The following PSEN1 variants were observed in gnomAD, a reference collection of about 807,000 sequenced individuals.
PSEN1 encodes presenilin 1.
Under a neutral mutation model 53.5 loss-of-function variants are expected in PSEN1, and 15 were observed. The observed-to-expected ratio is 0.28, with a 90% confidence interval of 0.19 to 0.43. The LOEUF (loss-of-function observed/expected upper bound fraction) is 0.43, where lower values mean the gene tolerates loss of function less well. Ranked by LOEUF, PSEN1 falls within the 20% of genes least tolerant of loss-of-function variation. The pLI, the probability that PSEN1 is intolerant of heterozygous loss-of-function variation, is 1.00. For missense variants in PSEN1, 387 were observed against 571.2 expected, an observed-to-expected ratio of 0.68 and a Z score of 3.29; for synonymous variants, 208 against 209.8, an observed-to-expected ratio of 0.99 and a Z score of 0.08.
At chr14:73,181,901 G>A (rs1035012912) in intron 5 of PSEN1, among the ~76,000 whole-genome samples, 1 of 152,044 alleles carries the variant, frequency 6.6e-6, no homozygotes, top group Non-Finnish European at 1.5e-5. Context: ...AACCTCCATG[G>A]TAGCTGGGAC....
chr14:73,158,775 T>G (rs1186005529), intron 3 of PSEN1, among the ~76,000 whole-genome samples: 2 of 152,236 alleles, frequency 1.3e-5, no homozygotes, highest in African/African-American at 4.8e-5. Context: ...TATTTAACTT[T>G]TTAAGGTACT....
chr14:73,195,266 G>A (rs971857871), intron 7 of PSEN1, among the ~76,000 whole-genome samples: 5 of 151,966 alleles, frequency 3.3e-5, no homozygotes, highest in Admixed American at 1.3e-4. Context: ...TCTCCCTCCC[G>A]GGATCAAGCG....
rs63750301 is a variant in PSEN1, at chr14:73,198,052, C to T, written c.791C>T (p.Pro264Leu). The stretch of plus-strand genomic sequence containing the variant: ...CTAGATTTAGTGGCTGTTTTGTGTC[C>T]GAAAGGTCCACTTCGTATGCTGGTT... The part of the protein sequence containing the change: ...SVYDLVAVLC[P>L]KGPLRMLVET... Residue 264 changes from proline to leucine, a missense_variant, in exon 8 of 12, where the codon CCG (proline) becomes CTG (leucine). Transcript: ENST00000324501. 1.2e-6 allele frequency: 2 copies of T among 1,609,902 alleles called. No homozygotes were observed. The highest frequency in any genetic ancestry group is 2.2e-5 in the East Asian group (1 of 44,848).
intron 5 of PSEN1, among the ~76,000 whole-genome samples, chr14:73,177,011 AT>A (rs34940341): frequency 0.1 from 15,141 of 151,686 alleles, 877 homozygotes; most frequent in African/African-American, 0.16. Flanking sequence ...TTTGAACCTA[AT>A]TTTTTCTGGA....
intron 9 of PSEN1, 79 bp downstream of exon 9, chr14:73,206,551 G>A (rs1363080291): frequency 2.4e-5 from 24 of 987,234 alleles, no homozygotes; most frequent in Admixed American, 7.7e-5. Context: ...TGTTTTTATC[G>A]TCTTTCTTTG....
At chr14:73,165,535 C>T (rs1897685648) in intron 3 of PSEN1, among the ~76,000 whole-genome samples, 2 of 149,412 alleles carry the variant, frequency 1.3e-5, no homozygotes, top group South Asian at 4.3e-4. Context: ...CACCTGAGGT[C>T]AGGAGTTCGA....
intron 5 of PSEN1, 76 bp downstream of exon 5, chr14:73,173,783 C>G: frequency 6.7e-7 from 1 of 1,493,482 alleles, no homozygotes; most frequent in Middle Eastern, 1.8e-4. Flanking sequence ...AGTAACTTAA[C>G]TGATCTAGGA....
intron 3 of PSEN1, among the ~76,000 whole-genome samples, chr14:73,166,562 C>G (rs1419480697): frequency 6.6e-6 from 1 of 152,204 alleles, no homozygotes; most frequent in African/African-American, 2.4e-5. Context: ...TCAAGTTGTT[C>G]AGACTTGTAC....
In PSEN1 at chr14:73,222,066, T is replaced by A. The variant is rs1900128525; in HGVS notation, c.*2777T>A. ...TGCCTATGGGAATACCAATCATATT[T>A]GGAAGATTTGCAGATTTTTTTTCAG... On this transcript the variant is annotated 3_prime_UTR_variant, in exon 12 of 12. Transcript: ENST00000324501. 1 of 152,196 alleles carries A rather than the reference T, an allele frequency of 6.6e-6. No individual in the cohort carries two copies. The highest frequency in any genetic ancestry group is 1.5e-5 in the Non-Finnish European group (1 of 68,012). The allele number at this position is 152,196 out of a possible 1,614,324, so 9.4% of individuals were successfully genotyped here.
intron 6 of PSEN1, among the ~76,000 whole-genome samples, chr14:73,189,430 G>A (rs985594139): frequency 2.0e-5 from 3 of 149,764 alleles, no homozygotes; most frequent in African/African-American, 7.5e-5. Flanking sequence ...GGCCAACGTG[G>A]TGAAAACCCA....
chr14:73,171,817 C>G (rs941385557), intron 4 of PSEN1, among the ~76,000 whole-genome samples: 5 of 152,092 alleles, frequency 3.3e-5, no homozygotes, highest in Non-Finnish European at 7.4e-5. Context: ...AACATACTGG[C>G]GTATTAATTC....
intron 1 of PSEN1, among the ~76,000 whole-genome samples, chr14:73,146,563 A>G (rs1206756180): frequency 6.6e-6 from 1 of 152,222 alleles, no homozygotes; most frequent in Non-Finnish European, 1.5e-5. Flanking sequence ...AGCATGTATG[A>G]TAAAGTGGAA....
intron 5 of PSEN1, chr14:73,173,995 A>G: frequency 1.8e-6 from 1 of 566,078 alleles, no homozygotes. Context: ...ATTAAAGAAA[A>G]CAAAAAACAA....
intron 1 of PSEN1, among the ~76,000 whole-genome samples, chr14:73,143,267 C>T (rs1241491156): frequency 6.6e-6 from 1 of 152,144 alleles, no homozygotes; most frequent in Non-Finnish European, 1.5e-5. Context: ...TGCTTCCTAC[C>T]GAGCCCCCTG....
rs949528625 is a variant in PSEN1, at chr14:73,146,979, C to T, written c.-135-816C>T. ...TGAACTCTGAGAGACACAGTCATCCCTGTAAATAAGGCTGCGCCAAGATCA... is the reference window on the plus strand; with the variant it reads ...TGAACTCTGAGAGACACAGTCATCCTTGTAAATAAGGCTGCGCCAAGATCA... On this transcript the variant is annotated intron_variant, in intron 1 of 11. Coordinates refer to ENST00000324501, the MANE Select transcript of PSEN1 (RefSeq NM_000021.4). Among the ~76,000 whole-genome samples, 12 of 151,904 alleles carry T rather than the reference C, an allele frequency of 7.9e-5. 1 individual carries two copies. Among genetic ancestry groups the T allele is most frequent in the African/African-American group, 2.2e-4 (9 of 41,332 alleles).
intron 8 of PSEN1, among the ~76,000 whole-genome samples, chr14:73,203,149 G>A (rs1899300341): frequency 6.6e-6 from 1 of 152,016 alleles, no homozygotes; most frequent in African/African-American, 2.4e-5. Context: ...CACAATCTCG[G>A]CTCACTGCAA....
intron 8 of PSEN1, among the ~76,000 whole-genome samples, chr14:73,204,689 A>G (rs1209823528): frequency 6.6e-6 from 1 of 152,200 alleles, no homozygotes; most frequent in African/African-American, 2.4e-5. Context: ...ATACTTGCAT[A>G]AAGAAAGAAA....
At position 73,220,040 on chromosome 14, in the gene PSEN1, A is replaced by C. The variant is rs201019113; in HGVS notation, c.*751A>C. ...CTAAAAGTTTTAACCTCAGGTTCCA[A>C]ATTCAGTAAATTTTGGAAACAGTAC... On this transcript the variant is annotated 3_prime_UTR_variant, in exon 12 of 12. Coordinates refer to ENST00000324501, the MANE Select transcript of PSEN1 (RefSeq NM_000021.4). 1.3e-5 allele frequency: 2 copies of C among 152,290 alleles called. No individual in the cohort carries two copies. Among genetic ancestry groups the C allele is most frequent in the African/African-American group, 4.8e-5 (2 of 41,440 alleles). The allele number at this position is 152,290 out of a possible 1,614,324, so 9.4% of individuals were successfully genotyped here.
chr14:73,167,903 A>G (rs1473980196), intron 3 of PSEN1: 1 of 139,716 alleles, frequency 7.2e-6, no homozygotes, highest in Non-Finnish European at 1.5e-5. Context: ...CCAGCACATT[A>G]TGATTTTATG....
Sources: allele counts gnomAD v4.1 joint callset (sites outside exome capture counted in the v4.1 genomes callset), GRCh38; gene constraint gnomAD v4.1.1; transcripts MANE v1.5; gene names NCBI Gene and HGNC (gene_info 2026-07-23, HGNC 2026-07-21).